SLC9C2: variants seen among roughly 807,000 people sequenced by gnomAD.
SLC9C2 encodes sodium/hydrogen exchanger 11.
A neutral mutation model predicts 140.2 loss-of-function variants in SLC9C2; 75 were observed. The ratio of observed to expected loss-of-function variants is 0.53; its 90% CI spans 0.44 to 0.65. SLC9C2 has a LOEUF of 0.65. Ranked by LOEUF, SLC9C2 falls within the 30% of genes least tolerant of loss-of-function variation. The pLI is 0.00. For missense variants in SLC9C2, 1,074 were observed against 1,331.8 expected (o/e 0.81, Z 3.01); for synonymous variants, 375 against 420.9 (o/e 0.89, Z 1.34).
Position 173,533,806 on chromosome 1 carries a change from A to G in SLC9C2, c.1975-9T>C. 6.3e-7 allele frequency: 1 copy of G among 1,593,490 alleles called. No homozygotes were observed. Among genetic ancestry groups the G allele is most frequent in the Non-Finnish European group, 8.5e-7 (1 of 1,170,388 alleles). On this transcript the variant is annotated splice_polypyrimidine_tract_variant and intron_variant, in intron 16 of 27. Transcript: ENST00000367714. ...CTTTTCAAAATTATTATCTGTACAG[A>G]AAACAAATGTCATTTCATAGCACCT...
chr1:173,518,942 A>T (rs1215289535), intron 22 of SLC9C2, among the ~76,000 whole-genome samples: 2 of 152,082 alleles, frequency 1.3e-5, no homozygotes, highest in African/African-American at 4.8e-5. Flanking sequence ...TCAACCAAAT[A>T]CTAATCTAGG....
rs1233327525 is a variant in SLC9C2 at position 173,534,625 on chromosome 1, A to G, written c.1833T>C (p.Tyr611=). ...ATATCAAATTTATAATCTGTCCTGT[A>G]TATTCAAATTCTTCAGAAAATACTA... is the stretch of plus-strand genomic sequence containing the variant. ...FHIVFSEEFE[Y]TGQIINLIYI... Residue 611 remains tyrosine, a synonymous_variant, in exon 16 of 28, where the codon TAT becomes TAC. Transcript: ENST00000367714. The G allele has an allele frequency of 1.9e-6, 3 of 1,562,924 alleles. No homozygotes were observed. Among genetic ancestry groups the G allele is most frequent in the South Asian group, 2.4e-5 (2 of 81,894 alleles).
chr1:173,592,150 C>A (rs886951616), intron 4 of SLC9C2, among the ~76,000 whole-genome samples: 1 of 152,122 alleles, frequency 6.6e-6, no homozygotes, highest in African/African-American at 2.4e-5. Flanking sequence ...TTGTTTTTAT[C>A]AGCTTTGTTG....
At chr1:173,544,870 T>C (rs1387323026) in intron 13 of SLC9C2, among the ~76,000 whole-genome samples, 1 of 151,924 alleles carries the variant, frequency 6.6e-6, no homozygotes, top group Non-Finnish European at 1.5e-5. Context: ...GGTAGGGCGA[T>C]GGGGGAGGGA....
chr1:173,511,726 C>T (rs1389666646), intron 23 of SLC9C2, among the ~76,000 whole-genome samples: 1 of 152,308 alleles, frequency 6.6e-6, no homozygotes, highest in African/African-American at 2.4e-5. Context: ...AGTCTTTGCC[C>T]ATGCCTATGT....
At chr1:173,522,466 G>A (rs12565753) in intron 21 of SLC9C2, among the ~76,000 whole-genome samples, 46,911 of 152,014 alleles carry the variant, frequency 0.31, 9,908 homozygotes, top group African/African-American at 0.61. Context: ...GGAGACCAGG[G>A]TGGAGCCATC....
intron 1 of SLC9C2, 72 bp from the exon 2 acceptor site, chr1:173,601,927 G>T (rs2102289096): frequency 1.1e-6 from 1 of 923,470 alleles, no homozygotes; most frequent in Non-Finnish European, 1.6e-6. Flanking sequence ...ACCTAAGATT[G>T]TGCCACACTC....
intron 23 of SLC9C2, among the ~76,000 whole-genome samples, chr1:173,515,093 T>G (rs1055272069): frequency 6.6e-6 from 1 of 152,178 alleles, no homozygotes. Flanking sequence ...CATTTTTTCC[T>G]TCATTTCAAC....
At chr1:173,530,745 C>T (rs1004419567) in intron 17 of SLC9C2, among the ~76,000 whole-genome samples, 15 of 151,940 alleles carry the variant, frequency 9.9e-5, no homozygotes, top group African/African-American at 3.4e-4. Context: ...CCTCAAAATC[C>T]ACATCGTCAC....
intron 9 of SLC9C2, 58 bp from the exon 10 acceptor site, chr1:173,557,566 G>T: frequency 6.7e-7 from 1 of 1,488,394 alleles, no homozygotes; most frequent in East Asian, 2.3e-5. Context: ...GTTATTCATA[G>T]TTGAAAGCAA....
intron 22 of SLC9C2, among the ~76,000 whole-genome samples, chr1:173,520,772 T>TAATATG: frequency 6.6e-6 from 1 of 152,226 alleles, no homozygotes; most frequent in Non-Finnish European, 1.5e-5. Context: ...ATTAAGGATT[T>TAATATG]GTCATTTTAT....
chr1:173,518,299 A>T (rs973207787), intron 22 of SLC9C2, among the ~76,000 whole-genome samples: 1 of 151,644 alleles, frequency 6.6e-6, no homozygotes, highest in African/African-American at 2.4e-5. Context: ...ACTGGAAATT[A>T]TAGTATGCAA....
At chr1:173,547,603 G>A (rs957227923) in intron 13 of SLC9C2, 86 bp downstream of exon 13, 2 of 1,023,696 alleles carry the variant, frequency 2.0e-6, no homozygotes, top group South Asian at 1.7e-5. Context: ...AGAAGGTAAA[G>A]TTTTCAAGTC....
intron 7 of SLC9C2, among the ~76,000 whole-genome samples, chr1:173,580,775 TC>T (rs1333519657): frequency 4.1e-4 from 63 of 152,158 alleles, no homozygotes; most frequent in Non-Finnish European, 8.4e-4. Flanking sequence ...ACTCCAAAGC[TC>T]TTCGAGGACT....
intron 11 of SLC9C2, among the ~76,000 whole-genome samples, chr1:173,551,835 A>C (rs945415366): frequency 3.3e-5 from 5 of 152,194 alleles, no homozygotes; most frequent in African/African-American, 1.2e-4. Flanking sequence ...TTCAAGTGAA[A>C]GTAAGAGTCA....
At chr1:173,526,360 A>G (rs1661196722) in intron 19 of SLC9C2, among the ~76,000 whole-genome samples, 1 of 152,184 alleles carries the variant, frequency 6.6e-6, no homozygotes, top group South Asian at 2.1e-4. Context: ...TTGCCACCTT[A>G]ATACACTTTC....
chr1:173,532,456 C>T (rs1278551838), intron 17 of SLC9C2, among the ~76,000 whole-genome samples: 1 of 152,100 alleles, frequency 6.6e-6, no homozygotes, highest in African/African-American at 2.4e-5. Flanking sequence ...AAAAATCTGC[C>T]TTCAGTATCA....
At chr1:173,520,495 G>A (rs1295792475) in intron 22 of SLC9C2, among the ~76,000 whole-genome samples, 2 of 152,050 alleles carry the variant, frequency 1.3e-5, no homozygotes, top group African/African-American at 4.8e-5. Context: ...CTAGAAATTA[G>A]GCTCCAAGAA....
chr1:173,532,389 T>C (rs931599859), intron 17 of SLC9C2, among the ~76,000 whole-genome samples: 4 of 152,196 alleles, frequency 2.6e-5, no homozygotes, highest in African/African-American at 4.8e-5. Context: ...AAAGCTTATG[T>C]AATGCAACTC....
Sources: gnomAD v4.1 joint callset for allele counts (sites outside exome capture counted in the v4.1 genomes callset) on GRCh38, gnomAD v4.1.1 for gene constraint, MANE v1.5 for transcripts, NCBI Gene and HGNC (gene_info 2026-07-23, HGNC 2026-07-21) for gene names.